FA2H: variants seen among roughly 807,000 people sequenced by gnomAD.
The protein encoded by FA2H is fatty acid alpha-hydroxylase.
In FA2H, 22 loss-of-function variants were observed where a neutral mutation model predicts 44.9. That is an observed-to-expected ratio of 0.49 (90% CI 0.35 to 0.70). The LOEUF (loss-of-function observed/expected upper bound fraction) is 0.70, where lower values mean the gene tolerates loss of function less well. Among genes scored for constraint, FA2H ranks in the 30% least tolerant of loss-of-function variants. The pLI is 0.01. For missense variants in FA2H, 501 were observed against 504.9 expected (o/e 0.99, Z 0.07); for synonymous variants, 243 against 213.2 (o/e 1.14, Z -1.22).
chr16:74,742,208 A>T (rs1962327384), intron 1 of FA2H, among the ~76,000 whole-genome samples: 1 of 152,316 alleles, frequency 6.6e-6, no homozygotes, highest in African/African-American at 2.4e-5. Context: ...GACTCCTGCC[A>T]TGTGGTGGGC....
chr16:74,726,414 GT>G (rs1961957898), intron 3 of FA2H, 83 bp from the exon 4 acceptor site: 9 of 901,860 alleles, frequency 1.0e-5, no homozygotes, highest in Non-Finnish European at 1.6e-5. Context: ...TTGAGACGGA[GT>G]TTCACTCTTG....
rs146769884 is a variant in FA2H at position 74,718,846 on chromosome 16, C to T, written c.786+142G>A. 114 of 983,412 alleles carry T rather than the reference C, an allele frequency of 1.2e-4. 3 individuals are homozygous for T. In the East Asian group the frequency reaches 2.1e-3, roughly 18 times the overall value. The allele number at this position is 983,412 out of a possible 1,614,324, so 60.9% of individuals were successfully genotyped here. A position where few individuals can be genotyped will look rare whatever the true frequency, so the allele number is the denominator to read the frequency against. ...GTTCGGATGCCCAACCCAGTTGCCC[C>T]GTGAGTCACATCAAACGTCCCGTCC... On this transcript the variant is annotated intron_variant, in intron 5 of 6. Transcript: ENST00000219368.
intron 1 of FA2H, among the ~76,000 whole-genome samples, chr16:74,760,086 C>T (rs753133542): frequency 1.3e-5 from 2 of 152,168 alleles, no homozygotes; most frequent in Admixed American, 6.5e-5. Context: ...CAGGGATCAT[C>T]GTTATCCAAG....
Position 74,716,613 on chromosome 16 carries a change from G to A in FA2H, c.787-14C>T, listed in dbSNP as rs530195358. 15 of 1,542,212 alleles carry A rather than the reference G, an allele frequency of 9.7e-6. No individual in the cohort carries two copies. The East Asian group carries it at 3.4e-4, about 35-fold the overall frequency. Reference sequence around the variant, plus strand: ...GTCGAAGGGTGCCTGCAGATGGAGAGGCTTGGGCATCAGGAGGCAGCCAGG... The same window carrying A: ...GTCGAAGGGTGCCTGCAGATGGAGAAGCTTGGGCATCAGGAGGCAGCCAGG... On this transcript the variant is annotated splice_polypyrimidine_tract_variant and intron_variant, in intron 5 of 6. Transcript: ENST00000219368.
chr16:74,765,513 G>A (rs938915700), intron 1 of FA2H, among the ~76,000 whole-genome samples: 1 of 152,024 alleles, frequency 6.6e-6, no homozygotes, highest in Non-Finnish European at 1.5e-5. Context: ...AATTATGCAC[G>A]TACCTCAGTT....
At chr16:74,769,612 G>C (rs1030302300) in intron 1 of FA2H, among the ~76,000 whole-genome samples, 1 of 152,198 alleles carries the variant, frequency 6.6e-6, no homozygotes, top group African/African-American at 2.4e-5. Context: ...AACCTGGGGT[G>C]GTGATTCATG....
intron 4 of FA2H, among the ~76,000 whole-genome samples, chr16:74,725,019 G>A (rs1961921177): frequency 6.6e-6 from 1 of 152,232 alleles, no homozygotes; most frequent in African/African-American, 2.4e-5. Flanking sequence ...CGGGCGGACA[G>A]TGGGTGATTC....
At position 74,718,880 on chromosome 16, in the gene FA2H, C is replaced by T. The variant is rs1256732048; in HGVS notation, c.786+108G>A. 5 of 1,346,732 alleles carry T rather than the reference C, an allele frequency of 3.7e-6. No individual in the cohort carries two copies. The African/African-American group carries it at 7.2e-5, about 19-fold the overall frequency. 83.4% of individuals were successfully genotyped at this position (1,346,732 alleles called of 1,614,324 possible). ...CATCAAACGTCCCGTCCCTCCCAACCCACAGCCAGACTCCCAGGAGGCTCC... is the reference window on the plus strand; with the variant it reads ...CATCAAACGTCCCGTCCCTCCCAACTCACAGCCAGACTCCCAGGAGGCTCC... On this transcript the variant is annotated intron_variant, in intron 5 of 6. Transcript: ENST00000219368.
At chr16:74,765,348 G>A (rs1364844614) in intron 1 of FA2H, among the ~76,000 whole-genome samples, 1 of 152,062 alleles carries the variant, frequency 6.6e-6, no homozygotes, top group African/African-American at 2.4e-5. Context: ...GTAGAGACGA[G>A]GTTTCACCAT....
chr16:74,762,372 G>A (rs1031693519), intron 1 of FA2H, among the ~76,000 whole-genome samples: 1 of 151,966 alleles, frequency 6.6e-6, no homozygotes. Context: ...AACCACACAT[G>A]TGCACAAAAC....
At chr16:74,734,687 C>T (rs144517988) in intron 2 of FA2H, among the ~76,000 whole-genome samples, 11 of 152,324 alleles carry the variant, frequency 7.2e-5, no homozygotes, top group African/African-American at 2.6e-4. Context: ...TCCTCCTCCC[C>T]CTCCCCAGGA....
chr16:74,727,186 C>G, intron 3 of FA2H, 58 bp downstream of exon 3: 1 of 1,612,188 alleles, frequency 6.2e-7, no homozygotes. Flanking sequence ...CTTTCCATAT[C>G]TGATTGGCAC....
rs1555540831 is a variant in FA2H at position 74,750,790 on chromosome 16, T to TGTGTGTGTGTGTGTGC, written c.271-10676_271-10675insGCACACACACACACAC. Among the ~76,000 whole-genome samples, 21 of 151,488 alleles carry TGTGTGTGTGTGTGTGC rather than the reference T, an allele frequency of 1.4e-4. 1 individual carries two copies. Among genetic ancestry groups the TGTGTGTGTGTGTGTGC allele is most frequent in the African/African-American group, 4.9e-4 (20 of 41,204 alleles). The stretch of plus-strand genomic sequence containing the variant: ...GTGTGTGTGTGTGTGTGTGTGTGTG[T>TGTGTGTGTGTGTGTGC]TTAAGAGACAGGGTCTCGCTCTGTC... On this transcript the variant is annotated intron_variant, in intron 1 of 6. Coordinates refer to ENST00000219368, the MANE Select transcript of FA2H (RefSeq NM_024306.5).
chr16:74,718,982 G>A lies in FA2H; in HGVS notation c.786+6C>T, dbSNP rs746907255. The stretch of plus-strand genomic sequence containing the variant: ...TAGGTCCGGGCTGGGACCCCGCCCC[G>A]CTCACCTTGTGGTGCTGGCCGTGCA... On this transcript the variant is annotated splice_donor_region_variant and intron_variant, in intron 5 of 6. Coordinates refer to ENST00000219368, the MANE Select transcript of FA2H (RefSeq NM_024306.5). 20 of 1,613,184 alleles carry A rather than the reference G, an allele frequency of 1.2e-5. 1 individual carries two copies. Among genetic ancestry groups the A allele is most frequent in the South Asian group, 5.5e-5 (5 of 91,084 alleles).
Position 74,714,127 on chromosome 16 carries a change from GCGGGTGGGGGT to G in FA2H, c.*52_*62del. On this transcript the variant is annotated 3_prime_UTR_variant, in exon 7 of 7. Coordinates refer to ENST00000219368, the MANE Select transcript of FA2H (RefSeq NM_024306.5). Reference sequence around the variant, plus strand: ...CAACCTTCTTAATGGGGTCTGAATGGCGGGTGGGGGTCGGGAAGGGGCCAGGGCCGGGCTGA... The same window carrying G: ...CAACCTTCTTAATGGGGTCTGAATGGCGGGAAGGGGCCAGGGCCGGGCTGA... The G allele has an allele frequency of 1.0e-6, 1 of 999,206 alleles. No homozygotes were observed. The highest frequency in any genetic ancestry group is 1.5e-6 in the Non-Finnish European group (1 of 648,260). The allele number at this position is 999,206 out of a possible 1,614,324, so 61.9% of individuals were successfully genotyped here.
intron 2 of FA2H, 65 bp downstream of exon 2, chr16:74,739,957 AC>A (rs1962258619): frequency 8.1e-7 from 1 of 1,234,378 alleles, no homozygotes; most frequent in Non-Finnish European, 1.2e-6. Flanking sequence ...GGCTCCACAC[AC>A]CCTCTTCCTC....
At chr16:74,772,745 C>T (rs1962932498) in intron 1 of FA2H, among the ~76,000 whole-genome samples, 1 of 152,188 alleles carries the variant, frequency 6.6e-6, no homozygotes, top group South Asian at 2.1e-4. Context: ...AACCCACGGT[C>T]AACCTGGGTC....
intron 1 of FA2H, among the ~76,000 whole-genome samples, chr16:74,749,023 G>A (rs1440850075): frequency 6.6e-6 from 1 of 152,162 alleles, no homozygotes; most frequent in East Asian, 1.9e-4. Context: ...GCTAGGAAGG[G>A]GCAGGCCCCA....
chr16:74,760,313 G>T (rs1333709674), intron 1 of FA2H, among the ~76,000 whole-genome samples: 1 of 152,158 alleles, frequency 6.6e-6, no homozygotes, highest in Non-Finnish European at 1.5e-5. Context: ...GGGGTGTTTT[G>T]CAGGCCCTAA....
Sources: gnomAD v4.1 joint callset for allele counts (sites outside exome capture counted in the v4.1 genomes callset) on GRCh38, gnomAD v4.1.1 for gene constraint, MANE v1.5 for transcripts, NCBI Gene and HGNC (gene_info 2026-07-23, HGNC 2026-07-21) for gene names.